KLHDC8A: variants seen among roughly 807,000 people sequenced by gnomAD.
The protein encoded by KLHDC8A is kelch domain containing 8A.
Under a neutral mutation model 33.1 loss-of-function variants are expected in KLHDC8A, and 21 were observed. The observed-to-expected ratio is 0.64, with a 90% CI of 0.45 to 0.91. The LOEUF (loss-of-function observed/expected upper bound fraction) is 0.91, where lower values mean the gene tolerates loss of function less well. Ranked by LOEUF, KLHDC8A falls within the 40% of genes least tolerant of loss-of-function variation. KLHDC8A has a pLI of 0.00. For synonymous variants in KLHDC8A, 173 were observed against 193.5 expected (o/e 0.89, Z 0.88); for missense variants, 435 against 483.3 (o/e 0.90, Z 0.94).
At chr1:205,349,594 A>G (rs1344138015) in intron 1 of KLHDC8A, among the ~76,000 whole-genome samples, 3 of 152,196 alleles carry the variant, frequency 2.0e-5, no homozygotes, top group Admixed American at 6.5e-5. Context: ...GCGGGAAGGT[A>G]TGCTTCTCAA....
chr1:205,349,163 T>C (rs1297546866), intron 1 of KLHDC8A, among the ~76,000 whole-genome samples: 2 of 152,210 alleles, frequency 1.3e-5, no homozygotes, highest in African/African-American at 2.4e-5. Flanking sequence ...TATGACACAG[T>C]TGCCAGCAGT....
At position 205,339,142 on chromosome 1, in the gene KLHDC8A, G is replaced by C. The variant is rs1662716365; in HGVS notation, c.757+52C>G. 2.7e-6 allele frequency: 4 copies of C among 1,502,814 alleles called. No individual in the cohort carries two copies. Among genetic ancestry groups the C allele is most frequent in the African/African-American group, 2.7e-5 (2 of 72,894 alleles). 93.1% of individuals were successfully genotyped at this position (1,502,814 alleles called of 1,614,324 possible). A position where few individuals can be genotyped will look rare whatever the true frequency, so the allele number is the denominator to read the frequency against. ...AATAGGGGTAAGGGATGGGGAGCCA[G>C]CCAGAAGGGCAGTGGGCAGCCAGAG... On this transcript the variant is annotated intron_variant, in intron 4 of 5. Coordinates refer to ENST00000367155, the MANE Select transcript of KLHDC8A (RefSeq NM_018203.3). This position sits in a 1 kb window ranked among gnomAD's most constrained non-coding sequence, Gnocchi z 5.1.
At position 205,339,087 on chromosome 1, in the gene KLHDC8A, G is replaced by A. The variant is rs898198756; in HGVS notation, c.757+107C>T. ...CTGAGACTTCTGAGAAGCTTGCCCA[G>A]CTGGGTAAACGGCCCTGGAAGATGG... On this transcript the variant is annotated intron_variant, in intron 4 of 5. Transcript: ENST00000367155. The surrounding 1 kb of genome is among the most constrained non-coding windows in gnomAD (Gnocchi z 5.1). 1.4e-4 allele frequency: 126 copies of A among 885,138 alleles called. No individual in the cohort carries two copies. The highest frequency in any genetic ancestry group is 2.0e-4 in the Non-Finnish European group (113 of 570,048). The allele number at this position is 885,138 out of a possible 1,614,324, so 54.8% of individuals were successfully genotyped here.
At position 205,338,555 on chromosome 1, in the gene KLHDC8A, G is replaced by A. The variant is rs376907601; in HGVS notation, c.799C>T (p.Arg267Trp). 13 of 1,613,970 alleles carry A rather than the reference G, an allele frequency of 8.1e-6. No homozygotes were observed. Among genetic ancestry groups the A allele is most frequent in the East Asian group, 4.5e-5 (2 of 44,886 alleles). Residue 267 changes from arginine (R) to tryptophan (W), a missense_variant, in exon 5 of 6, where the codon CGG (arginine) becomes TGG (tryptophan). Coordinates refer to ENST00000367155, the MANE Select transcript of KLHDC8A (RefSeq NM_018203.3). ...KMERSFFLKK[R>W]RADFVAGSLS... is the part of the protein sequence containing the mutation. ...GAGCCAGCCACAAAATCTGCCCGCC[G>A]CTTCTTGAGGAAGAACGATCGTTCC... is the stretch of plus-strand genomic sequence containing the variant.
In KLHDC8A at chr1:205,337,451, A is replaced by G; in HGVS notation, c.1001T>C (p.Val334Ala). 3 of 1,613,892 alleles carry G rather than the reference A, an allele frequency of 1.9e-6. No homozygotes were observed. The highest frequency in any genetic ancestry group is 2.5e-6 in the Non-Finnish European group (3 of 1,179,988). Residue 334 changes from valine to alanine, a missense_variant, in exon 6 of 6, where the codon GTC (valine) becomes GCC (alanine). Coordinates refer to ENST00000367155, the MANE Select transcript of KLHDC8A (RefSeq NM_018203.3). ...VKNCLLAVGG[V>A]NQGLSDAVEA... ...CACTGCGTCACTCAGACCCTGGTTG[A>G]CACCTCCCACGGCGAGGAGGCAGTT...
intron 1 of KLHDC8A, among the ~76,000 whole-genome samples, chr1:205,350,811 A>ATGCGTGTGTGTGCATGCG (rs1553384970): frequency 1.2e-4 from 18 of 150,858 alleles, no homozygotes; most frequent in Admixed American, 8.6e-4. Context: ...CTGTGTGTGC[A>ATGCGTGTGTGTGCATGCG]TGTGTGTGTG....
chr1:205,348,497 A>G (rs1663008859), intron 1 of KLHDC8A: 1 of 152,236 alleles, frequency 6.6e-6, no homozygotes, highest in Non-Finnish European at 1.5e-5. Context: ...TGTGGTCAGC[A>G]TCAGACAGGC....
rs1387262109 is a variant in KLHDC8A at position 205,343,345 on chromosome 1, A to G, written c.260T>C (p.Val87Ala). The G allele has an allele frequency of 1.2e-6, 2 of 1,613,394 alleles. No homozygotes were observed. Among genetic ancestry groups the G allele is most frequent in the East Asian group, 2.2e-5 (1 of 44,856 alleles). The change falls in exon 2 of 6, where the codon GTG becomes GCG. Residue 87 changes from valine to alanine, a missense_variant. Val to Ala is a moderately conservative substitution (Grantham distance 64). Transcript: ENST00000367155. Reference sequence around the variant, plus strand: ...CTTCAGGGGCAGCTGATTGGTGCCCACGCCCCCAATCACCATGATCCGCTT... The same window carrying G: ...CTTCAGGGGCAGCTGATTGGTGCCCGCGCCCCCAATCACCATGATCCGCTT... ...LGKRIMVIGG[V>A]GTNQLPLKVV...
chr1:205,348,658 TC>T (rs1663013182), intron 1 of KLHDC8A: 1 of 152,180 alleles, frequency 6.6e-6, no homozygotes, highest in African/African-American at 2.4e-5. Flanking sequence ...CAGGCATAGT[TC>T]CTGGGCACGT....
intron 1 of KLHDC8A, chr1:205,348,692 GT>G (rs1223984050): frequency 6.6e-6 from 1 of 152,176 alleles, no homozygotes; most frequent in East Asian, 1.9e-4. Context: ...ATAAAGACTA[GT>G]TTCTTTCTTC....
chr1:205,356,407 A>AC, intron 1 of KLHDC8A, 126 bp downstream of exon 1: 1 of 408,152 alleles, frequency 2.5e-6, no homozygotes, highest in East Asian at 7.3e-5. Flanking sequence ...GTCCCTCCTG[A>AC]CCCCCATGCC....
At chr1:205,341,549 C>T (rs566366578) in intron 2 of KLHDC8A, among the ~76,000 whole-genome samples, 12 of 152,320 alleles carry the variant, frequency 7.9e-5, no homozygotes, top group Admixed American at 5.9e-4. Context: ...CCCATCTGGG[C>T]GTCCCTGAAC....
At chr1:205,340,883 G>C (rs1243634736) in intron 2 of KLHDC8A, among the ~76,000 whole-genome samples, 2 of 152,212 alleles carry the variant, frequency 1.3e-5, no homozygotes, top group East Asian at 3.8e-4. Flanking sequence ...GCTGTCACTG[G>C]CCTATGGGAC....
At chr1:205,341,624 C>T (rs988576566) in intron 2 of KLHDC8A, among the ~76,000 whole-genome samples, 2 of 151,240 alleles carry the variant, frequency 1.3e-5, no homozygotes, top group African/African-American at 4.9e-5. Flanking sequence ...ACCCTAATTG[C>T]CACCTGTTAC....
intron 1 of KLHDC8A, 60 bp from the exon 2 acceptor site, chr1:205,343,853 C>G (rs1218029217): frequency 2.1e-6 from 1 of 486,276 alleles, no homozygotes; most frequent in East Asian, 3.6e-5. Flanking sequence ...CGGCGGGCAG[C>G]GGATGGGCTC....
Position 205,343,383 on chromosome 1 carries a change from G to A in KLHDC8A, c.222C>T (p.Val74=), listed in dbSNP as rs1662845882. Residue 74 remains valine, a synonymous_variant, in exon 2 of 6, where the codon GTC becomes GTT. Transcript: ENST00000367155. ...CCATGATCCGCTTCCCCAGGGCGGTGACGGCCACCCCCGCCCGGGCTGTGG... is the reference window on the plus strand; with the variant it reads ...CCATGATCCGCTTCCCCAGGGCGGTAACGGCCACCCCCGCCCGGGCTGTGG... ...RLPTARAGVA[V]TALGKRIMVI... The A allele has an allele frequency of 6.2e-7, 1 of 1,613,458 alleles. No individual in the cohort carries two copies. Among genetic ancestry groups the A allele is most frequent in the Non-Finnish European group, 8.5e-7 (1 of 1,179,904 alleles).
chr1:205,337,640 A>G, intron 5 of KLHDC8A, 48 bp from the exon 6 acceptor site: 1 of 1,448,610 alleles, frequency 6.9e-7, no homozygotes, highest in Non-Finnish European at 9.5e-7. Flanking sequence ...CCAACCACCA[A>G]TCCATGCCCC....
chr1:205,352,605 G>T (rs934869084), intron 1 of KLHDC8A, among the ~76,000 whole-genome samples: 2 of 152,224 alleles, frequency 1.3e-5, no homozygotes, highest in African/African-American at 4.8e-5. Flanking sequence ...CGCGTGATGA[G>T]CTGGCTGCGA....
rs1662656378 is a variant in KLHDC8A at position 205,337,191 on chromosome 1, G to A, written c.*208C>T. ...CTTCAGAGTCAGCTCTGCAGCTGGT[G>A]GAGTCATCTGTGCCTCTTACAGTTT... On this transcript the variant is annotated 3_prime_UTR_variant, in exon 6 of 6. Transcript: ENST00000367155. The A allele has an allele frequency of 1.0e-5, 6 of 580,968 alleles. No homozygotes were observed. Among genetic ancestry groups the A allele is most frequent in the Non-Finnish European group, 1.5e-5 (5 of 325,656 alleles). The allele number at this position is 580,968 out of a possible 1,614,324, so 36.0% of individuals were successfully genotyped here. A position where few individuals can be genotyped will look rare whatever the true frequency, so the allele number is the denominator to read the frequency against.
Sources: allele counts gnomAD v4.1 joint callset (sites outside exome capture counted in the v4.1 genomes callset), GRCh38; gene constraint gnomAD v4.1.1; non-coding constraint Gnocchi (gnomAD v3.1); transcripts MANE v1.5; gene names NCBI Gene and HGNC (gene_info 2026-07-23, HGNC 2026-07-21).